Variants in KIT observed in about 807,000 individuals in gnomAD.
The protein encoded by KIT is KIT proto-oncogene, receptor tyrosine kinase, also known as mast/stem cell growth factor receptor Kit.
KIT carries 16 observed loss-of-function variants against 105.7 expected under a neutral mutation model. That is an observed-to-expected ratio of 0.15 (90% CI 0.10 to 0.23). KIT has a LOEUF of 0.23. Ranked by LOEUF, KIT falls within the 10% of genes least tolerant of loss-of-function variation. The pLI is 1.00. For missense variants in KIT, 858 were observed against 1,213.8 expected (o/e 0.71, Z 4.36); for synonymous variants, 438 against 441.1 (o/e 0.99, Z 0.09).
chr4:54,719,602 T>G (rs1366900980), intron 7 of KIT, among the ~76,000 whole-genome samples: 1 of 152,162 alleles, frequency 6.6e-6, no homozygotes, highest in Non-Finnish European at 1.5e-5. Context: ...AATGCATAAC[T>G]TATACACCTC....
chr4:54,674,336 A>G (rs1054048432), intron 1 of KIT, among the ~76,000 whole-genome samples: 4 of 152,070 alleles, frequency 2.6e-5, no homozygotes. Context: ...CCCTCTCCGC[A>G]CTCACTAATT....
At chr4:54,669,296 A>G (rs1415526534) in intron 1 of KIT, among the ~76,000 whole-genome samples, 1 of 151,848 alleles carries the variant, frequency 6.6e-6, no homozygotes, top group Non-Finnish European at 1.5e-5. Flanking sequence ...GTGTTGCCCA[A>G]TTTACATTCC....
chr4:54,712,919 C>G (rs903046429), intron 7 of KIT, among the ~76,000 whole-genome samples: 1 of 152,090 alleles, frequency 6.6e-6, no homozygotes, highest in Admixed American at 6.5e-5. Context: ...CTGACAGAGG[C>G]ATTTATTTCA....
At position 54,737,293 on chromosome 4, in the gene KIT, T is replaced by G; in HGVS notation, c.2802+13T>G. ...GAGCACCAATCATGTGAGTATACCC[T>G]GGCCAGGCATAGAATCCCCCTTCTC... On this transcript the variant is annotated intron_variant, in intron 20 of 20. Transcript: ENST00000288135. The G allele has an allele frequency of 6.5e-7, 1 of 1,543,250 alleles. No individual in the cohort carries two copies.
chr4:54,678,293 C>G, intron 1 of KIT, among the ~76,000 whole-genome samples: 1 of 26,208 alleles, frequency 3.8e-5, no homozygotes, highest in Non-Finnish European at 7.3e-5. Flanking sequence ...TGGCTCGCTC[C>G]TTCCTTCCTT....
intron 5 of KIT, among the ~76,000 whole-genome samples, chr4:54,705,488 A>G (rs573884249): frequency 5.9e-5 from 9 of 152,180 alleles, no homozygotes; most frequent in Admixed American, 2.0e-4. Flanking sequence ...TATGGGGTAC[A>G]TATAGATAGT....
intron 6 of KIT, 23 bp from the exon 7 acceptor site, chr4:54,709,401 G>T: frequency 7.1e-7 from 1 of 1,417,512 alleles, no homozygotes; most frequent in South Asian, 1.1e-5. Context: ...ACAGGTGATT[G>T]ACTAGTTGTC....
At chr4:54,704,940 G>GT (rs1310416160) in intron 5 of KIT, among the ~76,000 whole-genome samples, 1 of 152,108 alleles carries the variant, frequency 6.6e-6, no homozygotes, top group Non-Finnish European at 1.5e-5. Flanking sequence ...TTCTGCCCAT[G>GT]TTATAATGGA....
chr4:54,694,949 G>C (rs937766612), intron 1 of KIT, among the ~76,000 whole-genome samples: 1 of 152,140 alleles, frequency 6.6e-6, no homozygotes, highest in Non-Finnish European at 1.5e-5. Context: ...GTTAAAACAG[G>C]TGTATCATTT....
Position 54,658,003 on chromosome 4 carries a change from G to T in KIT, c.-12G>T, listed in dbSNP as rs761533610. On this transcript the variant is annotated 5_prime_UTR_variant, in exon 1 of 21. Transcript: ENST00000288135. ...CGTGGACCAGAGCTCGGATCCCATC[G>T]CAGCTACCGCGATGAGAGGCGCTCG... 6 of 1,613,290 alleles carry T rather than the reference G, an allele frequency of 3.7e-6. No individual in the cohort carries two copies. Among genetic ancestry groups the T allele is most frequent in the South Asian group, 3.3e-5 (3 of 91,066 alleles).
chr4:54,682,754 T>G (rs1719030336), intron 1 of KIT, among the ~76,000 whole-genome samples: 1 of 150,478 alleles, frequency 6.6e-6, no homozygotes, highest in South Asian at 2.1e-4. Context: ...TTGACCGTTT[T>G]TTTTTTTTTT....
chr4:54,697,834 A>C (rs1315152973), intron 2 of KIT, among the ~76,000 whole-genome samples: 1 of 152,328 alleles, frequency 6.6e-6, no homozygotes, highest in Admixed American at 6.5e-5. Context: ...ACTAGGAATC[A>C]TCACACTGGC....
intron 20 of KIT, among the ~76,000 whole-genome samples, chr4:54,738,211 C>T (rs1464632957): frequency 6.6e-6 from 1 of 151,996 alleles, no homozygotes; most frequent in Non-Finnish European, 1.5e-5. Context: ...GTCCCCACTT[C>T]TTGTATAAAG....
chr4:54,727,053 A>G (rs1722265325), intron 9 of KIT, among the ~76,000 whole-genome samples, 165 bp from the exon 10 acceptor site: 1 of 152,228 alleles, frequency 6.6e-6, no homozygotes. Flanking sequence ...ATTCATTTGA[A>G]TAACAAGAGT....
rs139694927 is a variant in KIT at position 54,738,493 on chromosome 4, G to A, written c.2867G>A (p.Arg956Gln). 168 of 1,613,952 alleles carry A rather than the reference G, an allele frequency of 1.0e-4. No homozygotes were observed. The highest frequency in any genetic ancestry group is 1.2e-4 in the Non-Finnish European group (140 of 1,180,000). The change falls in exon 21 of 21, where the codon CGG becomes CAG. Residue 956 changes from arginine (R) to glutamine (Q), a missense_variant. Transcript: ENST00000288135. ...RQKPVVDHSVRINSVGSTASS... is the reference protein window; with the variant it reads ...RQKPVVDHSVQINSVGSTASS... Reference sequence around the variant, plus strand: ...AAGCCCGTGGTAGACCATTCTGTGCGGATCAATTCTGTCGGCAGCACCGCT... The same window carrying A: ...AAGCCCGTGGTAGACCATTCTGTGCAGATCAATTCTGTCGGCAGCACCGCT...
At chr4:54,673,579 T>G (rs1278570798) in intron 1 of KIT, among the ~76,000 whole-genome samples, 1 of 152,224 alleles carries the variant, frequency 6.6e-6, no homozygotes, top group Admixed American at 6.5e-5. Context: ...TTTCATTTAG[T>G]TAATTTCTCT....
intron 6 of KIT, among the ~76,000 whole-genome samples, chr4:54,708,899 A>G (rs1720962210): frequency 6.6e-6 from 1 of 152,176 alleles, no homozygotes; most frequent in Non-Finnish European, 1.5e-5. Flanking sequence ...TGAGTGGCAA[A>G]TACTGCCAGG....
chr4:54,692,105 G>C (rs769073347), intron 1 of KIT, among the ~76,000 whole-genome samples: 4 of 152,152 alleles, frequency 2.6e-5, no homozygotes, highest in Non-Finnish European at 4.4e-5. Context: ...AGTACTGTTA[G>C]TATCCCCACT....
At chr4:54,665,163 T>C (rs1430160990) in intron 1 of KIT, among the ~76,000 whole-genome samples, 3 of 152,174 alleles carry the variant, frequency 2.0e-5, no homozygotes, top group African/African-American at 7.2e-5. Context: ...GACTGGTTTA[T>C]TTCACATACC....
Sources: gnomAD v4.1 joint callset for allele counts (sites outside exome capture counted in the v4.1 genomes callset) on GRCh38, gnomAD v4.1.1 for gene constraint, MANE v1.5 for transcripts, NCBI Gene and HGNC (gene_info 2026-07-23, HGNC 2026-07-21) for gene names.